TRNT1: variants seen among roughly 807,000 people sequenced by gnomAD.
TRNT1 encodes tRNA nucleotidyl transferase 1.
In TRNT1, 44 loss-of-function variants were observed where a neutral mutation model predicts 45.6. That is an observed-to-expected ratio of 0.97 (90% confidence interval 0.76 to 1.24). The LOEUF (loss-of-function observed/expected upper bound fraction) is 1.24, where lower values mean the gene tolerates loss of function less well. Ranked by LOEUF, TRNT1 falls within the 50% of genes most tolerant of loss-of-function variation. The pLI, the probability that TRNT1 is intolerant of heterozygous loss-of-function variation, is 0.00. For synonymous variants in TRNT1, 201 were observed against 171.4 expected, an observed-to-expected ratio of 1.17 and a Z score of -1.35; for missense variants, 633 against 504.4, an observed-to-expected ratio of 1.25 and a Z score of -2.44.
At chr3:3,151,730 T>A (rs748718913), downstream of TRNT1, among the ~76,000 whole-genome samples, 13 of 152,202 alleles carry the variant, frequency 8.5e-5, no homozygotes, top group Non-Finnish European at 1.6e-4. Context: ...CAGAGTAGCA[T>A]GTAATCCCTT....
chr3:3,128,869 C>T (rs1432461342), intron 1 of TRNT1, 145 bp from the exon 2 acceptor site: 3 of 622,934 alleles, frequency 4.8e-6, no homozygotes, highest in Non-Finnish European at 8.2e-6. Flanking sequence ...AGTCGTAATC[C>T]CTCAAACTGA....
chr3:3,140,538 C>A lies in TRNT1; in HGVS notation c.371C>A (p.Thr124Lys). The A allele has an allele frequency of 6.2e-7, 1 of 1,614,058 alleles. No individual in the cohort carries two copies. Among genetic ancestry groups the A allele is most frequent in the African/African-American group, 1.3e-5 (1 of 75,038 alleles). ...CATGAAGAAAATTTTGAGATTACTA[C>A]ACTACGGATTGATGTCACCACTGAT... ...RLHEENFEITTLRIDVTTDGR... is the reference protein window; with the variant it reads ...RLHEENFEITKLRIDVTTDGR... Residue 124 changes from threonine to lysine, a missense_variant, in exon 4 of 8, where the codon ACA (threonine) becomes AAA (lysine). Transcript: ENST00000251607.
At chr3:3,150,626 C>G (rs1706458334), downstream of TRNT1, 1 of 439,960 alleles carries the variant, frequency 2.3e-6, no homozygotes. Context: ...GATAATGGCA[C>G]CAAGCTACCC....
rs1276675575 is a variant in TRNT1 at position 3,144,587 on chromosome 3, T to C, written c.485T>C (p.Phe162Ser). 10 of 1,578,172 alleles carry C rather than the reference T, an allele frequency of 6.3e-6. No individual in the cohort carries two copies. The highest frequency in any genetic ancestry group is 8.6e-6 in the Non-Finnish European group (10 of 1,161,474). Residue 162 changes from phenylalanine (F) to serine (S), a missense_variant, in exon 5 of 8, where the codon TTT becomes TCT. Transcript: ENST00000251607. Reference sequence around the variant, plus strand: ...TCCCTCCTTTTCTAATGAATAGGTTTTGATGGCACTTTATTTGACTACTTT... The same window carrying C: ...TCCCTCCTTTTCTAATGAATAGGTTCTGATGGCACTTTATTTGACTACTTT... Reference protein sequence around the residue: ...DLTINSMFLGFDGTLFDYFNG... With the variant: ...DLTINSMFLGSDGTLFDYFNG...
In TRNT1 at chr3:3,126,964, G is replaced by C. The variant is rs1575030153; in HGVS notation, c.-54G>C. 6.5e-6 allele frequency: 1 copy of C among 152,828 alleles called. No homozygotes were observed. The highest frequency in any genetic ancestry group is 1.5e-5 in the Non-Finnish European group (1 of 68,534). The allele number at this position is 152,828 out of a possible 1,614,324, so 9.5% of individuals were successfully genotyped here. A position where few individuals can be genotyped will look rare whatever the true frequency, so the allele number is the denominator to read the frequency against. On this transcript the variant is annotated 5_prime_UTR_variant, in exon 1 of 8. Coordinates refer to ENST00000251607, the MANE Select transcript of TRNT1 (RefSeq NM_182916.3). Reference sequence around the variant, plus strand: ...CAGCCCGGAAGTGCGCGTGGCGGCGGTGGCGGCTGCGGCAACAGCGGGGCC... The same window carrying C: ...CAGCCCGGAAGTGCGCGTGGCGGCGCTGGCGGCTGCGGCAACAGCGGGGCC...
rs1706238277 is a variant in TRNT1 at position 3,148,710 on chromosome 3, A to AGTAT, written c.*559_*562dup. The AGTAT allele has an allele frequency of 6.6e-6, 1 of 152,222 alleles. No individual in the cohort carries two copies. The highest frequency in any genetic ancestry group is 1.5e-5 in the Non-Finnish European group (1 of 68,046). 9.4% of individuals were successfully genotyped at this position (152,222 alleles called of 1,614,324 possible). ...GATTTGTTCTAGCAAGCTATGCTTC[A>AGTAT]GTATGTGGTTGATATTTTTCTGTCA... On this transcript the variant is annotated 3_prime_UTR_variant, in exon 8 of 8. Coordinates refer to ENST00000251607, the MANE Select transcript of TRNT1 (RefSeq NM_182916.3).
At chr3:3,130,943 A>G (rs1418111972) in intron 2 of TRNT1, among the ~76,000 whole-genome samples, 2 of 151,948 alleles carry the variant, frequency 1.3e-5, no homozygotes, top group Non-Finnish European at 2.9e-5. Flanking sequence ...ATAGGCAAGC[A>G]TACTGATATG....
intron 4 of TRNT1, among the ~76,000 whole-genome samples, chr3:3,141,658 TTTAAAG>T (rs1386882859): frequency 6.6e-6 from 1 of 152,322 alleles, no homozygotes; most frequent in Admixed American, 6.5e-5. Context: ...TATGTTGTAC[TTTAAAG>T]TTAAGACAAG....
intron 2 of TRNT1, among the ~76,000 whole-genome samples, chr3:3,136,000 T>G (rs138901727): frequency 6.6e-6 from 1 of 152,290 alleles, no homozygotes; most frequent in African/African-American, 2.4e-5. Flanking sequence ...GCGGGTTAGA[T>G]GCTCTCAGGA....
chr3:3,150,159 G>C (rs1311964479), downstream of TRNT1: 1 of 152,030 alleles, frequency 6.6e-6, no homozygotes, highest in East Asian at 1.9e-4. Flanking sequence ...ATTAATTTTT[G>C]AAAAATAGCT....
chr3:3,148,119 A>G lies in TRNT1; in HGVS notation c.1270A>G (p.Lys424Glu), dbSNP rs1706187846. 1 of 1,613,708 alleles carries G rather than the reference A, an allele frequency of 6.2e-7. No individual in the cohort carries two copies. Residue 424 changes from lysine to glutamate, a missense_variant, in exon 8 of 8, where the codon AAA (lysine) becomes GAA (glutamate). Transcript: ENST00000251607. ...QWKKSGYQME[K>E]DELLSYIKKT ...GAAAAAAAGTGGTTACCAAATGGAA[A>G]AAGATGAACTTCTGAGTTACATAAA...
intron 4 of TRNT1, among the ~76,000 whole-genome samples, chr3:3,143,917 T>C (rs1002808180): frequency 6.6e-6 from 1 of 152,256 alleles, no homozygotes; most frequent in Non-Finnish European, 1.5e-5. Flanking sequence ...AAGAGATTTC[T>C]ATATTTCCTT....
chr3:3,150,806 C>T, downstream of TRNT1: 1 of 1,532,738 alleles, frequency 6.5e-7, no homozygotes, highest in Non-Finnish European at 8.9e-7. Flanking sequence ...CAATAATTTC[C>T]AAAGCAGATC....
In TRNT1 at chr3:3,129,060, A is replaced by T; in HGVS notation, c.20A>T (p.His7Leu). The T allele has an allele frequency of 6.2e-7, 1 of 1,612,456 alleles. No individual in the cohort carries two copies. The highest frequency in any genetic ancestry group is 8.5e-7 in the Non-Finnish European group (1 of 1,179,120). Residue 7 changes from histidine (H) to leucine (L), a missense_variant, in exon 2 of 8, where the codon CAT becomes CTT. Transcript: ENST00000251607. ...CTCCAGATGCTGAGGTGCCTGTATC[A>T]TTGGCACAGGCCAGTGCTGAACCGT... The part of the protein sequence containing the change: MLRCLY[H>L]WHRPVLNRRW...
intron 3 of TRNT1, among the ~76,000 whole-genome samples, chr3:3,138,457 T>C (rs1398762462): frequency 6.6e-6 from 1 of 152,230 alleles, no homozygotes; most frequent in Non-Finnish European, 1.5e-5. Context: ...GTTTTTAATT[T>C]CAAGATGATA....
intron 2 of TRNT1, among the ~76,000 whole-genome samples, chr3:3,132,858 T>G (rs1165963884): frequency 1.3e-5 from 2 of 152,174 alleles, no homozygotes; most frequent in East Asian, 3.9e-4. Context: ...GTCCTGTCCT[T>G]GAAGGACTGG....
chr3:3,140,252 G>A (rs1705561944), intron 3 of TRNT1, among the ~76,000 whole-genome samples: 1 of 152,064 alleles, frequency 6.6e-6, no homozygotes. Flanking sequence ...TGGCAGAGGT[G>A]ACATGTTTGT....
chr3:3,135,430 C>A, intron 2 of TRNT1, among the ~76,000 whole-genome samples: 1 of 151,906 alleles, frequency 6.6e-6, no homozygotes, highest in East Asian at 2.0e-4. Context: ...TGTTTTAAAT[C>A]CCTATGTCTA....
At chr3:3,152,616 C>G, downstream of TRNT1, 1 of 1,613,502 alleles carries the variant, frequency 6.2e-7, no homozygotes, top group Middle Eastern at 1.7e-4. Context: ...ATGGAGAACA[C>G]GTCAAAACGA....
Sources: allele counts gnomAD v4.1 joint callset (sites outside exome capture counted in the v4.1 genomes callset), GRCh38; gene constraint gnomAD v4.1.1; transcripts MANE v1.5; gene names NCBI Gene and HGNC (gene_info 2026-07-23, HGNC 2026-07-21).